PLEKHG1: variants seen among roughly 807,000 people sequenced by gnomAD.
PLEKHG1 encodes pleckstrin homology and RhoGEF domain containing G1, also known as pleckstrin homology domain-containing family G member 1.
In PLEKHG1, 44 loss-of-function variants were observed where a neutral mutation model predicts 100.8. The observed-to-expected ratio is 0.44, with a 90% confidence interval of 0.34 to 0.56. The LOEUF (loss-of-function observed/expected upper bound fraction) is 0.56, where lower values mean the gene tolerates loss of function less well. Among genes scored for constraint, PLEKHG1 ranks in the 20% least tolerant of loss-of-function variants. The probability of loss-of-function intolerance (pLI) is 0.01; values close to 1 mark genes in which losing one functional copy is unlikely to be tolerated. For synonymous variants in PLEKHG1, 640 were observed against 662.5 expected (o/e 0.97, Z 0.52); for missense variants, 1,545 against 1,720.9 (o/e 0.90, Z 1.81).
At position 150,809,421 on chromosome 6, in the gene PLEKHG1, C is replaced by T. The variant is rs756942947; in HGVS notation, c.1136C>T (p.Pro379Leu). The change falls in exon 9 of 16, where the codon CCG (proline) becomes CTG (leucine). Residue 379 changes from proline to leucine, a missense_variant. By Grantham distance (98) the Pro-to-Leu change is moderately conservative. Coordinates refer to ENST00000358517, the Ensembl canonical transcript of PLEKHG1. ...CTTGTGGAGGTGATTCCAAAAGAGC[C>T]GCTCAGCTTCAGCGTCTTCCACTAC... 27 of 1,613,810 alleles carry T rather than the reference C, an allele frequency of 1.7e-5. No individual in the cohort carries two copies. Among genetic ancestry groups the T allele is most frequent in the African/African-American group, 2.7e-5 (2 of 74,902 alleles).
intron 1 of PLEKHG1, among the ~76,000 whole-genome samples, chr6:150,630,582 G>A (rs2128561378): frequency 6.6e-6 from 1 of 152,316 alleles, no homozygotes; most frequent in East Asian, 1.9e-4. Flanking sequence ...TAGCAACGGG[G>A]AGAAACTGAG....
intron 3 of PLEKHG1, among the ~76,000 whole-genome samples, chr6:150,714,252 G>T (rs1273960004): frequency 2.0e-5 from 3 of 152,284 alleles, no homozygotes; most frequent in African/African-American, 4.8e-5. Flanking sequence ...CAACATATTT[G>T]CTTGCTTGAT....
chr6:150,744,467 C>A (rs1045008878), intron 2 of PLEKHG1, among the ~76,000 whole-genome samples: 8 of 152,058 alleles, frequency 5.3e-5, no homozygotes, highest in Admixed American at 3.3e-4. Context: ...TTAAAAAAAA[C>A]AAATTATTAA....
intron 14 of PLEKHG1, 100 bp from the exon 16 acceptor site, chr6:150,830,482 C>T: frequency 1.2e-6 from 1 of 811,924 alleles, no homozygotes; most frequent in Non-Finnish European, 2.0e-6. Context: ...AATATTAAAG[C>T]CTAGTGGGGG....
At position 150,724,271 on chromosome 6, in the gene PLEKHG1, A is replaced by G. The variant is rs996606871; in HGVS notation, c.-99+3071A>G. On this transcript the variant is annotated intron_variant, in intron 1 of 15. Transcript: ENST00000358517. ...TCCCAAAGGGGCATATATCGTTTCTACTGGTGAGAACTTGACCACATGGCC... is the reference window on the plus strand; with the variant it reads ...TCCCAAAGGGGCATATATCGTTTCTGCTGGTGAGAACTTGACCACATGGCC... 2.6e-5 allele frequency among the ~76,000 whole-genome samples: 4 copies of G among 152,240 alleles called. 1 individual carries two copies. The highest frequency in any genetic ancestry group is 4.1e-4 in the South Asian group (2 of 4,834).
intron 1 of PLEKHG1, among the ~76,000 whole-genome samples, chr6:150,606,819 C>T (rs985084467): frequency 2.6e-5 from 4 of 152,108 alleles, no homozygotes; most frequent in Admixed American, 1.3e-4. Context: ...CAGCAGCACT[C>T]AGGGGCATGC....
At chr6:150,632,622 C>A (rs1263191013) in intron 1 of PLEKHG1, among the ~76,000 whole-genome samples, 1 of 152,232 alleles carries the variant, frequency 6.6e-6, no homozygotes, top group Non-Finnish European at 1.5e-5. Context: ...AGGCTGGTAA[C>A]AAATGTCCTA....
chr6:150,626,318 C>T (rs1017999458), intron 1 of PLEKHG1, among the ~76,000 whole-genome samples: 1 of 152,142 alleles, frequency 6.6e-6, no homozygotes, highest in South Asian at 2.1e-4. Context: ...TCTTCAGAGG[C>T]CTTCAGGCGA....
intron 2 of PLEKHG1, among the ~76,000 whole-genome samples, chr6:150,758,595 A>G (rs1783982026): frequency 6.6e-6 from 1 of 152,168 alleles, no homozygotes; most frequent in Non-Finnish European, 1.5e-5. Flanking sequence ...TTGGCCTCCC[A>G]AAGTGCTGGG....
chr6:150,762,632 G>C (rs1298824530), intron 2 of PLEKHG1, among the ~76,000 whole-genome samples: 2 of 152,074 alleles, frequency 1.3e-5, no homozygotes, highest in African/African-American at 4.8e-5. Flanking sequence ...GGTCTAGACT[G>C]TATGGACCCA....
At chr6:150,702,557 GGTGTGTGTGT>G (rs56768740) in intron 3 of PLEKHG1, among the ~76,000 whole-genome samples, 3 of 142,828 alleles carry the variant, frequency 2.1e-5, no homozygotes, top group East Asian at 2.0e-4. Context: ...TTTGTTTTGG[GGTGTGTGTGT>G]GTGTGTGTGT....
intron 3 of PLEKHG1, among the ~76,000 whole-genome samples, chr6:150,709,826 G>T (rs956899036): frequency 1.3e-5 from 2 of 152,066 alleles, no homozygotes; most frequent in Non-Finnish European, 2.9e-5. Context: ...TTGTTCTTTT[G>T]CCCAGGCTGG....
At chr6:150,653,046 A>G (rs1445672038) in intron 3 of PLEKHG1, among the ~76,000 whole-genome samples, 1 of 152,200 alleles carries the variant, frequency 6.6e-6, no homozygotes, top group Non-Finnish European at 1.5e-5. Context: ...TATTACTGGC[A>G]AGAAAGTCCC....
chr6:150,706,802 C>T (rs1781026131), intron 3 of PLEKHG1, among the ~76,000 whole-genome samples: 1 of 151,402 alleles, frequency 6.6e-6, no homozygotes, highest in Non-Finnish European at 1.5e-5. Flanking sequence ...TATAAAGAGA[C>T]CAAAAAAATG....
At chr6:150,648,229 A>G (rs945505696) in intron 2 of PLEKHG1, among the ~76,000 whole-genome samples, 5 of 152,094 alleles carry the variant, frequency 3.3e-5, no homozygotes, top group Admixed American at 2.0e-4. Context: ...TTTTAAAAAG[A>G]TATTTCTTTT....
intron 3 of PLEKHG1, among the ~76,000 whole-genome samples, chr6:150,713,870 C>T (rs1781328668): frequency 6.6e-6 from 1 of 152,196 alleles, no homozygotes; most frequent in Non-Finnish European, 1.5e-5. Flanking sequence ...CCTCTCTCCT[C>T]TGCCAGGATG....
chr6:150,708,852 A>G (rs1161984549), intron 3 of PLEKHG1, among the ~76,000 whole-genome samples: 2 of 152,212 alleles, frequency 1.3e-5, no homozygotes, highest in Non-Finnish European at 2.9e-5. Context: ...TAGCTGTTTC[A>G]TAATCTACTT....
In PLEKHG1 at chr6:150,679,857, G is replaced by A. The variant is rs78669550; in HGVS notation, c.-99+29071G>A. 5.3e-3 allele frequency among the ~76,000 whole-genome samples: 800 copies of A among 152,296 alleles called. 12 individuals carry two copies. The highest frequency in any genetic ancestry group is 0.042 in the East Asian group (216 of 5,186). On this transcript the variant is annotated intron_variant, in intron 3 of 3. Coordinates refer to the PLEKHG1 transcript ENST00000367326. ...TAGGCATTGTCATGAGGAGGTGATC[G>A]CCATGCTGAGGTCTGACAGGTGAGC...
intron 1 of PLEKHG1, among the ~76,000 whole-genome samples, chr6:150,727,682 A>G (rs183679080): frequency 1.3e-5 from 2 of 152,238 alleles, no homozygotes; most frequent in East Asian, 1.9e-4. Context: ...GTAAGTCTCT[A>G]AGGTTCCTCT....
Sources: gnomAD v4.1 joint callset for allele counts (sites outside exome capture counted in the v4.1 genomes callset) on GRCh38, gnomAD v4.1.1 for gene constraint, MANE v1.5 for transcripts, NCBI Gene and HGNC (gene_info 2026-07-23, HGNC 2026-07-21) for gene names.